RSBN1L: variants seen among roughly 807,000 people sequenced by gnomAD.
RSBN1L encodes round spermatid basic protein 1 like, also known as lysine-specific demethylase RSBN1L.
A neutral mutation model predicts 67.7 loss-of-function variants in RSBN1L; 30 were observed. That is an observed-to-expected ratio of 0.44 (90% CI 0.33 to 0.60). The LOEUF (loss-of-function observed/expected upper bound fraction) is 0.60. Among genes scored for constraint, RSBN1L ranks in the 20% least tolerant of loss-of-function variants. RSBN1L has a pLI of 0.02. For synonymous variants in RSBN1L, 433 were observed against 387.0 expected (o/e 1.12, Z -1.39); for missense variants, 992 against 1,031.7 (o/e 0.96, Z 0.53).
At position 77,779,029 on chromosome 7, in the gene RSBN1L, A is replaced by G; in HGVS notation, c.2402A>G (p.Asp801Gly). Residue 801 changes from aspartate to glycine, a missense_variant, in exon 8 of 8, where the codon GAC becomes GGC. Asp to Gly is a moderately conservative substitution (Grantham distance 94). Transcript: ENST00000334955. ...DHVQFAEFKI[D>G]MDSKFENSNK... ...GTTCAATTTGCAGAATTTAAGATTG[A>G]CATGGATTCTAAATTTGAAAATAGC... 1.2e-6 allele frequency: 2 copies of G among 1,614,108 alleles called. No individual in the cohort carries two copies. The highest frequency in any genetic ancestry group is 1.7e-6 in the Non-Finnish European group (2 of 1,179,990).
chr7:77,763,392 C>T (rs936145965), intron 3 of RSBN1L, among the ~76,000 whole-genome samples: 10 of 152,260 alleles, frequency 6.6e-5, no homozygotes, highest in African/African-American at 2.2e-4. Flanking sequence ...CCCTTATGGT[C>T]ATTTGCAGAC....
intron 3 of RSBN1L, among the ~76,000 whole-genome samples, chr7:77,762,841 T>C (rs1286362715): frequency 6.6e-6 from 1 of 152,218 alleles, no homozygotes; most frequent in African/African-American, 2.4e-5. Context: ...TTTTATTTCA[T>C]GTATAATATG....
chr7:77,743,845 G>T (rs58986880), intron 2 of RSBN1L, among the ~76,000 whole-genome samples: 15,396 of 150,954 alleles, frequency 0.1, 1,100 homozygotes, highest in African/African-American at 0.19. Context: ...GATTTTTTTT[G>T]ATTGTTTCAT....
intron 2 of RSBN1L, among the ~76,000 whole-genome samples, chr7:77,737,957 A>G (rs1791358455): frequency 6.6e-6 from 1 of 151,414 alleles, no homozygotes; most frequent in African/African-American, 2.4e-5. Context: ...GGGAGACAAG[A>G]GGTTGCAGTG....
At chr7:77,743,003 T>C (rs1429213762) in intron 2 of RSBN1L, among the ~76,000 whole-genome samples, 1 of 152,146 alleles carries the variant, frequency 6.6e-6, no homozygotes, top group African/African-American at 2.4e-5. Context: ...GCATATTATC[T>C]CTTCTGCATA....
chr7:77,698,171 T>C (rs373756030), intron 1 of RSBN1L, among the ~76,000 whole-genome samples: 7 of 152,244 alleles, frequency 4.6e-5, no homozygotes, highest in South Asian at 2.1e-4. Context: ...CATGTAGCAA[T>C]AGTGTCACTT....
At chr7:77,776,531 C>A (rs1791916880) in intron 6 of RSBN1L, among the ~76,000 whole-genome samples, 1 of 152,172 alleles carries the variant, frequency 6.6e-6, no homozygotes, top group South Asian at 2.1e-4. Context: ...ATAACGTGGT[C>A]TTTTGTGATT....
At chr7:77,714,657 T>G (rs942276129) in intron 1 of RSBN1L, among the ~76,000 whole-genome samples, 2 of 152,052 alleles carry the variant, frequency 1.3e-5, no homozygotes, top group Admixed American at 6.6e-5. Flanking sequence ...CCCTAAACAT[T>G]CACATAGAAA....
intron 3 of RSBN1L, among the ~76,000 whole-genome samples, chr7:77,764,729 C>G (rs1321788269): frequency 6.6e-6 from 1 of 152,020 alleles, no homozygotes; most frequent in African/African-American, 2.4e-5. Flanking sequence ...CAGGTTCACG[C>G]CATTCTCCTG....
At chr7:77,768,853 G>A in intron 5 of RSBN1L, 50 bp downstream of exon 5, 1 of 1,545,960 alleles carries the variant, frequency 6.5e-7, no homozygotes, top group Non-Finnish European at 8.9e-7. Flanking sequence ...TTGTATGTTG[G>A]GGTGTGTATG....
At chr7:77,712,286 GAT>G (rs1790985426) in intron 1 of RSBN1L, among the ~76,000 whole-genome samples, 1 of 150,014 alleles carries the variant, frequency 6.7e-6, no homozygotes, top group Non-Finnish European at 1.5e-5. Flanking sequence ...ATACATACAT[GAT>G]TTTTTTTTTT....
At chr7:77,766,914 A>G (rs1309786283) in intron 4 of RSBN1L, among the ~76,000 whole-genome samples, 3 of 151,902 alleles carry the variant, frequency 2.0e-5, no homozygotes, top group Non-Finnish European at 4.4e-5. Flanking sequence ...TGCATTTATT[A>G]TTGGACTATA....
At chr7:77,699,606 T>C (rs1790787227) in intron 1 of RSBN1L, among the ~76,000 whole-genome samples, 2 of 152,140 alleles carry the variant, frequency 1.3e-5, no homozygotes, top group African/African-American at 4.8e-5. Flanking sequence ...TTGACAGATA[T>C]GAAAGTTAAG....
chr7:77,739,502 T>C (rs1338971056), intron 2 of RSBN1L, among the ~76,000 whole-genome samples: 1 of 151,682 alleles, frequency 6.6e-6, no homozygotes, highest in Non-Finnish European at 1.5e-5. Context: ...CACTTGAAGC[T>C]AGGAGTTTGA....
intron 1 of RSBN1L, among the ~76,000 whole-genome samples, chr7:77,728,287 G>T (rs1022684591): frequency 6.6e-6 from 1 of 152,184 alleles, no homozygotes; most frequent in African/African-American, 2.4e-5. Context: ...CTGCATACTT[G>T]ATTGATAGTT....
intron 6 of RSBN1L, among the ~76,000 whole-genome samples, chr7:77,774,580 C>A (rs1217920921): frequency 6.6e-6 from 1 of 152,036 alleles, no homozygotes; most frequent in African/African-American, 2.4e-5. Flanking sequence ...TACACACATA[C>A]ACAAAAATTA....
chr7:77,714,340 G>A lies in RSBN1L; in HGVS notation c.586+17285G>A, dbSNP rs539112995. 4.6e-5 allele frequency among the ~76,000 whole-genome samples: 7 copies of A among 152,184 alleles called. No homozygotes were observed. In the South Asian group the frequency reaches 1.4e-3, roughly 32 times the overall value. On this transcript the variant is annotated intron_variant, in intron 1 of 7. Coordinates refer to ENST00000334955, the MANE Select transcript of RSBN1L (RefSeq NM_198467.3). Reference sequence around the variant, plus strand: ...AATGACATAGCAGATTTTTATCACCGCAGAAAGTTCTCTCTTGCTACTCAG... The same window carrying A: ...AATGACATAGCAGATTTTTATCACCACAGAAAGTTCTCTCTTGCTACTCAG...
intron 3 of RSBN1L, among the ~76,000 whole-genome samples, chr7:77,762,530 G>A (rs1791708531): frequency 6.6e-6 from 1 of 152,058 alleles, no homozygotes; most frequent in South Asian, 2.1e-4. Flanking sequence ...AAATGAGATG[G>A]CTAGGTCAGT....
At position 77,723,437 on chromosome 7, in the gene RSBN1L, A is replaced by G. The variant is rs957788410; in HGVS notation, c.587-12973A>G. On this transcript the variant is annotated intron_variant, in intron 1 of 7. Coordinates refer to ENST00000334955, the MANE Select transcript of RSBN1L (RefSeq NM_198467.3). ...TAATAAATAATGTATGTGTGTATGCATATTCAGAATACATATATAATTTAT... is the reference window on the plus strand; with the variant it reads ...TAATAAATAATGTATGTGTGTATGCGTATTCAGAATACATATATAATTTAT... Among the ~76,000 whole-genome samples, 3 of 152,162 alleles carry G rather than the reference A, an allele frequency of 2.0e-5. No homozygotes were observed. In the South Asian group the frequency reaches 6.2e-4, roughly 31 times the overall value.
Sources: allele counts gnomAD v4.1 joint callset (sites outside exome capture counted in the v4.1 genomes callset), GRCh38; gene constraint gnomAD v4.1.1; transcripts MANE v1.5; gene names NCBI Gene and HGNC (gene_info 2026-07-23, HGNC 2026-07-21).